Variants in PDE10A observed in about 807,000 individuals in gnomAD.
PDE10A encodes cAMP and cAMP-inhibited cGMP 3',5'-cyclic phosphodiesterase 10A.
In PDE10A, 39 loss-of-function variants were observed where a neutral mutation model predicts 97.7. That is an observed-to-expected ratio of 0.40 (90% CI 0.31 to 0.52). The LOEUF is 0.52. PDE10A is among the 20% of genes least tolerant of loss of function. The probability of loss-of-function intolerance (pLI) is 0.56; values close to 1 mark genes in which losing one functional copy is unlikely to be tolerated. For synonymous variants in PDE10A, 371 were observed against 376.8 expected, an observed-to-expected ratio of 0.98 and a Z score of 0.18; for missense variants, 731 against 1,047.8, an observed-to-expected ratio of 0.70 and a Z score of 4.17.
intron 1 of PDE10A, among the ~76,000 whole-genome samples, chr6:165,902,101 T>C (rs1160486913): frequency 6.6e-6 from 1 of 152,236 alleles, no homozygotes; most frequent in Non-Finnish European, 1.5e-5. Context: ...ATTTTGTATA[T>C]GTATATGCAA....
rs1238456303 is a variant in PDE10A, at chr6:165,866,800, G to GA, written c.-615+120728dup. Reference sequence around the variant, plus strand: ...GGATGACATAGTCAAAGTGCTGAAAGAAAAAAAAAAACCTGCCACCCAAGA... The same window carrying GA: ...GGATGACATAGTCAAAGTGCTGAAAGAAAAAAAAAAAACCTGCCACCCAAGA... On this transcript the variant is annotated intron_variant, in intron 1 of 19. Coordinates refer to the PDE10A transcript ENST00000366882. 8.7e-4 allele frequency among the ~76,000 whole-genome samples: 123 copies of GA among 141,744 alleles called. 1 individual carries two copies. The highest frequency in any genetic ancestry group is 7.4e-3 in the Middle Eastern group (2 of 272). 93.0% of individuals were successfully genotyped at this position (141,744 alleles called of 152,430 possible). A position where few individuals can be genotyped will look rare whatever the true frequency, so the allele number is the denominator to read the frequency against.
chr6:165,685,132 A>T (rs1791079478), intron 1 of PDE10A, among the ~76,000 whole-genome samples: 1 of 152,202 alleles, frequency 6.6e-6, no homozygotes, highest in South Asian at 2.1e-4. Context: ...GAATTCTAGG[A>T]GAGTCAATTT....
At chr6:165,977,267 C>T (rs773967306) in intron 1 of PDE10A, among the ~76,000 whole-genome samples, 1 of 152,242 alleles carries the variant, frequency 6.6e-6, no homozygotes, top group Non-Finnish European at 1.5e-5. Context: ...CAGATTCCTT[C>T]TCTTCTTGAG....
intron 1 of PDE10A, among the ~76,000 whole-genome samples, chr6:165,760,465 A>G (rs1397053304): frequency 6.6e-6 from 1 of 152,230 alleles, no homozygotes; most frequent in Non-Finnish European, 1.5e-5. Context: ...CTTAGTTTAC[A>G]TAGATGTTTA....
At chr6:165,525,114 T>C (rs1039379555) in intron 2 of PDE10A, among the ~76,000 whole-genome samples, 2 of 152,236 alleles carry the variant, frequency 1.3e-5, no homozygotes, top group African/African-American at 4.8e-5. Context: ...AGACCTATAA[T>C]AGTCTGAAGT....
At chr6:165,499,173 T>C (rs1295942683) in intron 2 of PDE10A, among the ~76,000 whole-genome samples, 1 of 152,166 alleles carries the variant, frequency 6.6e-6, no homozygotes, top group Non-Finnish European at 1.5e-5. Context: ...GGGAAGAGTC[T>C]GATCAGGCCA....
chr6:165,463,610 C>T (rs138956488), intron 3 of PDE10A, among the ~76,000 whole-genome samples: 17 of 152,286 alleles, frequency 1.1e-4, no homozygotes, highest in Non-Finnish European at 2.1e-4. Flanking sequence ...AGTAGCTGAC[C>T]GTCACAAAGC....
At chr6:165,825,920 C>CT (rs1054241567) in intron 1 of PDE10A, among the ~76,000 whole-genome samples, 9 of 152,176 alleles carry the variant, frequency 5.9e-5, no homozygotes, top group East Asian at 1.9e-4. Flanking sequence ...GAGAAACTCC[C>CT]TTTTTTTTCT....
intron 1 of PDE10A, among the ~76,000 whole-genome samples, chr6:165,906,573 G>T (rs1782292670): frequency 1.3e-5 from 2 of 152,180 alleles, no homozygotes; most frequent in Admixed American, 1.3e-4. Context: ...CAGAAAGTCA[G>T]ATTAGGACAA....
At chr6:165,691,389 G>A (rs141321356) in intron 1 of PDE10A, among the ~76,000 whole-genome samples, 26 of 151,946 alleles carry the variant, frequency 1.7e-4, no homozygotes, top group Admixed American at 3.3e-4. Flanking sequence ...GTCACATGCC[G>A]TCCAAGTTTG....
At chr6:165,496,166 C>T (rs774776477) in intron 2 of PDE10A, among the ~76,000 whole-genome samples, 6 of 152,054 alleles carry the variant, frequency 3.9e-5, no homozygotes, top group Non-Finnish European at 8.8e-5. Context: ...GACGTTGAGA[C>T]GCAAGTGTGC....
chr6:165,490,939 A>T (rs371371587), intron 2 of PDE10A, among the ~76,000 whole-genome samples: 113 of 152,324 alleles, frequency 7.4e-4, no homozygotes, highest in African/African-American at 2.6e-3. Context: ...TGGGGCACAG[A>T]GCAAGACCCA....
At chr6:165,822,922 C>T (rs1370706771) in intron 1 of PDE10A, among the ~76,000 whole-genome samples, 3 of 152,086 alleles carry the variant, frequency 2.0e-5, no homozygotes, top group Admixed American at 6.5e-5. Flanking sequence ...GCAAGCTCCT[C>T]CTCCCAGGTT....
At chr6:165,361,809 C>T (rs1362896297) in intron 18 of PDE10A, among the ~76,000 whole-genome samples, 2 of 152,126 alleles carry the variant, frequency 1.3e-5, no homozygotes, top group South Asian at 4.1e-4. Flanking sequence ...CCAGAAGGAA[C>T]CAACGTTGCC....
intron 1 of PDE10A, among the ~76,000 whole-genome samples, chr6:165,551,684 G>A (rs183089596): frequency 8.5e-5 from 13 of 152,202 alleles, no homozygotes; most frequent in Admixed American, 2.0e-4. Flanking sequence ...ACTTCCTCCC[G>A]TCTGAGGTTA....
intron 1 of PDE10A, chr6:165,940,552 G>C (rs914528124): frequency 1.3e-5 from 2 of 152,274 alleles, no homozygotes; most frequent in Non-Finnish European, 2.9e-5. Context: ...TGCGGGCTCC[G>C]CTTCTGCTCA....
At chr6:165,908,383 T>A (rs923685846) in intron 1 of PDE10A, among the ~76,000 whole-genome samples, 1 of 152,226 alleles carries the variant, frequency 6.6e-6, no homozygotes, top group African/African-American at 2.4e-5. Context: ...TGTCTTGGGC[T>A]ACCGTTGGGT....
chr6:165,407,055 G>T (rs1039366434), intron 13 of PDE10A, among the ~76,000 whole-genome samples: 1 of 152,054 alleles, frequency 6.6e-6, no homozygotes, highest in African/African-American at 2.4e-5. Flanking sequence ...CCTATTGGGG[G>T]ACTTTTTAGC....
chr6:165,809,071 T>C (rs1395637660), intron 1 of PDE10A, among the ~76,000 whole-genome samples: 1 of 152,192 alleles, frequency 6.6e-6, no homozygotes, highest in Non-Finnish European at 1.5e-5. Context: ...AACACATTGT[T>C]TCAGCCTATG....
Sources: gnomAD v4.1 joint callset for allele counts (sites outside exome capture counted in the v4.1 genomes callset) on GRCh38, gnomAD v4.1.1 for gene constraint, MANE v1.5 for transcripts, NCBI Gene and HGNC (gene_info 2026-07-23, HGNC 2026-07-21) for gene names.